The following DST variants were observed in gnomAD, a reference collection of about 807,000 sequenced individuals.
DST encodes the protein bullous pemphigoid antigen.
In DST, 253 loss-of-function variants were observed where a neutral mutation model predicts 875.2. The ratio of observed to expected loss-of-function variants is 0.29; its 90% CI spans 0.26 to 0.32. The LOEUF (loss-of-function observed/expected upper bound fraction) is 0.32. Ranked by LOEUF, DST falls within the 10% of genes least tolerant of loss-of-function variation. The pLI, the probability that DST is intolerant of heterozygous loss-of-function variation, is 1.00. For missense variants in DST, 8,287 were observed against 9,111.6 expected, an observed-to-expected ratio of 0.91 and a Z score of 3.68; for synonymous variants, 3,124 against 3,197.1, an observed-to-expected ratio of 0.98 and a Z score of 0.77.
At chr6:56,609,729 A>G (rs1376448383) in intron 39 of DST, among the ~76,000 whole-genome samples, 2 of 152,158 alleles carry the variant, frequency 1.3e-5, no homozygotes, top group African/African-American at 4.8e-5. Context: ...CAGGAAAGAG[A>G]GTATCAAACC....
intron 58 of DST, among the ~76,000 whole-genome samples, chr6:56,559,470 T>C (rs1277888147): frequency 1.3e-5 from 2 of 152,108 alleles, no homozygotes; most frequent in Non-Finnish European, 1.5e-5. Context: ...ATAGCATACC[T>C]GACTCTAAAG....
Position 56,501,094 on chromosome 6 carries a change from G to C in DST, c.19882C>G (p.Leu6628Val), listed in dbSNP as rs2096107133. Residue 6628 changes from leucine to valine, a missense_variant, in exon 80 of 104, where the codon CTT becomes GTT. Physicochemically the swap from Leu to Val is conservative, Grantham distance 32. Around this residue, in one of 10 missense-constraint regions of DST, gnomAD observed 1,292 missense variants for 1,552.7 expected, o/e 0.83. Transcript: ENST00000680361. ...CAGCTACGTACATGATGCTTGGCAA[G>C]TTCAATTTCAATGGCTTTAGGGTCT... is the stretch of plus-strand genomic sequence containing the variant. ...GGDPKAIEIE[L>V]AKHHVLQNDV... 3.7e-6 allele frequency: 6 copies of C among 1,612,410 alleles called. No homozygotes were observed. Among genetic ancestry groups the C allele is most frequent in the East Asian group, 2.2e-5 (1 of 44,820 alleles).
chr6:56,806,504 A>G (rs2099753117), intron 4 of DST, among the ~76,000 whole-genome samples: 2 of 152,258 alleles, frequency 1.3e-5, no homozygotes, highest in Admixed American at 6.5e-5. Flanking sequence ...AAGAATGTGT[A>G]AACAGCTACA....
At chr6:56,471,040 A>T in intron 95 of DST, 66 bp downstream of exon 95, 1 of 1,483,860 alleles carries the variant, frequency 6.7e-7, no homozygotes, top group East Asian at 2.3e-5. Flanking sequence ...CCAGACCCAC[A>T]CTTTTAAAAT....
At position 56,639,470 on chromosome 6, in the gene DST, T is replaced by C; in HGVS notation, c.2839A>G (p.Arg947Gly). 6.2e-7 allele frequency: 1 copy of C among 1,613,872 alleles called. No individual in the cohort carries two copies. Among genetic ancestry groups the C allele is most frequent in the South Asian group, 1.1e-5 (1 of 91,080 alleles). Reference sequence around the variant, plus strand: ...CTTACAGCATGATAATCTTTTTTCCTAGCTATGTTGGTGTTTCTCTCACTC... The same window carrying C: ...CTTACAGCATGATAATCTTTTTTCCCAGCTATGTTGGTGTTTCTCTCACTC... ...DWSERNTNIA[R>G]KKDYHAELMR... Residue 947 changes from arginine to glycine, a missense_variant, in exon 21 of 104, where the codon AGG becomes GGG. Physicochemically the swap from Arg to Gly is moderately radical, Grantham distance 125. Around this residue, in one of 10 missense-constraint regions of DST, gnomAD observed 1,160 missense variants for 1,424.3 expected, o/e 0.81. Coordinates refer to ENST00000680361, the MANE Select transcript of DST (RefSeq NM_001374736.1).
chr6:56,514,719 A>C (rs1583645070), intron 72 of DST, among the ~76,000 whole-genome samples: 1 of 152,252 alleles, frequency 6.6e-6, no homozygotes, highest in Non-Finnish European at 1.5e-5. Flanking sequence ...AATAGCAAGA[A>C]ATCTAGTTTT....
At chr6:56,556,184 T>C (rs2097413695) in intron 59 of DST, among the ~76,000 whole-genome samples, 1 of 152,240 alleles carries the variant, frequency 6.6e-6, no homozygotes, top group African/African-American at 2.4e-5. Flanking sequence ...CCACTCATGT[T>C]TTTGTCTTCG....
intron 4 of DST, among the ~76,000 whole-genome samples, chr6:56,793,918 C>T (rs1172441063): frequency 6.6e-6 from 1 of 151,944 alleles, no homozygotes; most frequent in Non-Finnish European, 1.5e-5. Context: ...ATAAATGGTA[C>T]CAAGAAAATG....
At chr6:56,627,959 T>TG in intron 33 of DST, 40 bp downstream of exon 33, 1 of 1,591,788 alleles carries the variant, frequency 6.3e-7, no homozygotes, top group Non-Finnish European at 8.6e-7. Context: ...ACTGACCAAA[T>TG]GCAGACATAA....
At chr6:56,619,986 T>C in intron 36 of DST, 1 of 1,614,118 alleles carries the variant, frequency 6.2e-7, no homozygotes, top group Non-Finnish European at 8.5e-7. Context: ...TGGAGACCCG[T>C]TACTGCCCTG....
chr6:56,898,366 GC>G (rs1282979476), intron 3 of DST, among the ~76,000 whole-genome samples: 1 of 152,182 alleles, frequency 6.6e-6, no homozygotes, highest in Non-Finnish European at 1.5e-5. Context: ...AGTCACAGAG[GC>G]ATAAAGACTA....
At position 56,609,316 on chromosome 6, in the gene DST, T is replaced by C; in HGVS notation, c.5312A>G (p.Asp1771Gly). Residue 1771 changes from aspartate to glycine, a missense_variant, in exon 40 of 104, where the codon GAT (aspartate) becomes GGT (glycine). This residue lies in a region of DST where 3,138 missense variants were observed against 3,116.6 expected (regional missense o/e 1.01). Transcript: ENST00000680361. ...KLDKVIAGTI[D>G]QTTGEVLSVF... ...TGAAAGGACTTCTCCAGTTGTCTGA[T>C]CAATGGTGCCTGCAATCACTTTATC... 6 of 1,610,568 alleles carry C rather than the reference T, an allele frequency of 3.7e-6. No homozygotes were observed. Among genetic ancestry groups the C allele is most frequent in the Non-Finnish European group, 5.1e-6 (6 of 1,178,148 alleles).
chr6:56,816,433 C>T (rs1277545719), intron 4 of DST, among the ~76,000 whole-genome samples: 1 of 152,184 alleles, frequency 6.6e-6, no homozygotes, highest in Non-Finnish European at 1.5e-5. Context: ...GAAGAGGCTT[C>T]ATCCACTTCA....
chr6:56,673,726 C>T (rs1368902018), intron 9 of DST, among the ~76,000 whole-genome samples: 1 of 152,178 alleles, frequency 6.6e-6, no homozygotes, highest in African/African-American at 2.4e-5. Context: ...TTTTAAAATG[C>T]ATATTCCAAG....
chr6:56,668,902 G>T (rs888567996), intron 10 of DST, among the ~76,000 whole-genome samples: 1 of 151,986 alleles, frequency 6.6e-6, no homozygotes, highest in African/African-American at 2.4e-5. Flanking sequence ...AGAGAAAAGA[G>T]AAGTGAAAGG....
chr6:56,662,514 A>G (rs1331852593), intron 10 of DST, among the ~76,000 whole-genome samples: 1 of 152,214 alleles, frequency 6.6e-6, no homozygotes, highest in East Asian at 1.9e-4. Context: ...AATTGCAACT[A>G]GGTTTGCCAG....
chr6:56,682,676 C>A (rs1433638424), intron 9 of DST, among the ~76,000 whole-genome samples: 1 of 152,146 alleles, frequency 6.6e-6, no homozygotes, highest in Admixed American at 6.5e-5. Flanking sequence ...AGGCTTGACC[C>A]CATTTCACAT....
rs754589788 is a variant in DST at position 56,482,190 on chromosome 6, C to T, written c.21403-12G>A. 6.2e-7 allele frequency: 1 copy of T among 1,604,066 alleles called. No individual in the cohort carries two copies. Among genetic ancestry groups the T allele is most frequent in the East Asian group, 2.2e-5 (1 of 44,602 alleles). Reference sequence around the variant, plus strand: ...TGGAATTCCTCTGCCTAAGAGTTCACACACACACACACCCCAAACAAAATT... The same window carrying T: ...TGGAATTCCTCTGCCTAAGAGTTCATACACACACACACCCCAAACAAAATT... On this transcript the variant is annotated splice_polypyrimidine_tract_variant and intron_variant, in intron 89 of 103. Coordinates refer to ENST00000680361, the MANE Select transcript of DST (RefSeq NM_001374736.1).
intron 4 of DST, among the ~76,000 whole-genome samples, chr6:56,840,639 C>T (rs1203285384): frequency 6.6e-6 from 1 of 152,000 alleles, no homozygotes; most frequent in African/African-American, 2.4e-5. Context: ...AGTAATGGAC[C>T]AAAACAAGAT....
Sources: gnomAD v4.1 joint callset for allele counts (sites outside exome capture counted in the v4.1 genomes callset) on GRCh38, gnomAD v4.1.1 for gene constraint, gnomAD v4.1.1 regional missense constraint, MANE v1.5 for transcripts, NCBI Gene and HGNC (gene_info 2026-07-23, HGNC 2026-07-21) for gene names.